Variants in AGPAT4 observed in about 807,000 individuals in gnomAD.
The protein encoded by AGPAT4 is 1-acylglycerol-3-phosphate O-acyltransferase 4, also known as 1-acyl-sn-glycerol-3-phosphate acyltransferase delta.
Under a neutral mutation model 48.0 loss-of-function variants are expected in AGPAT4, and 15 were observed. The ratio of observed to expected loss-of-function variants is 0.31; its 90% CI spans 0.21 to 0.48. The LOEUF (loss-of-function observed/expected upper bound fraction) is 0.48, where lower values mean the gene tolerates loss of function less well. AGPAT4 is among the 20% of genes least tolerant of loss of function. The pLI is 0.99. For synonymous variants in AGPAT4, 178 were observed against 198.7 expected, an observed-to-expected ratio of 0.90 and a Z score of 0.88; for missense variants, 314 against 482.5, an observed-to-expected ratio of 0.65 and a Z score of 3.27.
chr6:161,166,553 A>T lies in AGPAT4; in HGVS notation c.179-136T>A. The T allele has an allele frequency of 1.0e-6, 1 of 971,556 alleles. No homozygotes were observed. Among genetic ancestry groups the T allele is most frequent in the Non-Finnish European group, 1.5e-6 (1 of 679,212 alleles). 60.2% of individuals were successfully genotyped at this position (971,556 alleles called of 1,614,324 possible). On this transcript the variant is annotated intron_variant, in intron 2 of 8. Coordinates refer to ENST00000320285, the MANE Select transcript of AGPAT4 (RefSeq NM_020133.3). The surrounding 1 kb of genome is among the most constrained non-coding windows in gnomAD (Gnocchi z 6.7). ...GCAAAGTTCTGGATCGTTGCAGCAC[A>T]GACCTTGGTCCTTGAAAGGGTTCAG... is the stretch of plus-strand genomic sequence containing the variant.
At chr6:161,253,887 C>T (rs753771921) in intron 1 of AGPAT4, among the ~76,000 whole-genome samples, 10 of 152,102 alleles carry the variant, frequency 6.6e-5, no homozygotes, top group Non-Finnish European at 8.8e-5. Context: ...CCCATACTGG[C>T]GGACATTCAC....
At chr6:161,213,399 G>T (rs532393825) in intron 2 of AGPAT4, among the ~76,000 whole-genome samples, 1 of 152,312 alleles carries the variant, frequency 6.6e-6, no homozygotes, top group Admixed American at 6.5e-5. Context: ...TAGTACACCT[G>T]TTGTTAGATT....
At position 161,243,919 on chromosome 6, in the gene AGPAT4, A is replaced by G. The variant is rs1782572480; in HGVS notation, c.-89-11617T>C. Among the ~76,000 whole-genome samples the G allele has an allele frequency of 6.6e-6, 1 of 152,224 alleles. No homozygotes were observed. On this transcript the variant is annotated intron_variant, in intron 1 of 8. Coordinates refer to ENST00000320285, the MANE Select transcript of AGPAT4 (RefSeq NM_020133.3). This position sits in a 1 kb window ranked among gnomAD's most constrained non-coding sequence, Gnocchi z 4.8. ...AAGCCCACTCACAAGTTTTAATGAA[A>G]TGATTATGTCCTTATTCCCAGCCCA...
chr6:161,239,819 A>G (rs1782430105), intron 1 of AGPAT4, among the ~76,000 whole-genome samples: 1 of 152,208 alleles, frequency 6.6e-6, no homozygotes, highest in African/African-American at 2.4e-5. Flanking sequence ...GTGTGAGTAC[A>G]AATCCATCTT....
rs990774396 is a variant in AGPAT4 at position 161,266,393 on chromosome 6, A to C, written c.-90+7545T>G. Among the ~76,000 whole-genome samples the C allele has an allele frequency of 1.3e-5, 2 of 152,116 alleles. No homozygotes were observed. The highest frequency in any genetic ancestry group is 6.5e-5 in the Admixed American group (1 of 15,276). On this transcript the variant is annotated intron_variant, in intron 1 of 8. Transcript: ENST00000320285. The surrounding 1 kb of genome is among the most constrained non-coding windows in gnomAD (Gnocchi z 6.2). ...CTGGGTACTCTGCTCTATGCTACAA[A>C]CGATGCGATCATACCTCCATGCCAT...
Position 161,138,249 on chromosome 6 carries a change from AATTTTT to A in AGPAT4, c.1042+1167_1042+1172del, listed in dbSNP as rs1779138714. 6.6e-6 allele frequency among the ~76,000 whole-genome samples: 1 copy of A among 152,188 alleles called. No homozygotes were observed. Among genetic ancestry groups the A allele is most frequent in the African/African-American group, 2.4e-5 (1 of 41,450 alleles). On this transcript the variant is annotated intron_variant, in intron 8 of 8. Transcript: ENST00000320285. This position sits in a 1 kb window ranked among gnomAD's most constrained non-coding sequence, Gnocchi z 4.8. ...GGTGTGGGTGTTGTTTTAATATTTTAATTTTTAACACTAAAATACATCTTAATCTTT... is the reference window on the plus strand; with the variant it reads ...GGTGTGGGTGTTGTTTTAATATTTTAAACACTAAAATACATCTTAATCTTT...
chr6:161,145,789 T>C (rs1412966158), intron 7 of AGPAT4, among the ~76,000 whole-genome samples: 1 of 151,748 alleles, frequency 6.6e-6, no homozygotes, highest in East Asian at 1.9e-4. Flanking sequence ...TCCTATAGAA[T>C]ATATCTGATT....
In AGPAT4 at chr6:161,257,130, T is replaced by C. The variant is rs376683146; in HGVS notation, c.-90+16808A>G. On this transcript the variant is annotated intron_variant, in intron 1 of 8. Coordinates refer to ENST00000320285, the MANE Select transcript of AGPAT4 (RefSeq NM_020133.3). ...ACTTGTTTCTAACATGAACTTTGGA[T>C]CAGGATAAAAGTAGTAAACTTAAAA... Among the ~76,000 whole-genome samples the C allele has an allele frequency of 2.6e-5, 4 of 152,292 alleles. No individual in the cohort carries two copies. The East Asian group carries it at 5.8e-4, about 22-fold the overall frequency.
At position 161,236,573 on chromosome 6, in the gene AGPAT4, G is replaced by T. The variant is rs1782282475; in HGVS notation, c.-89-4271C>A. Among the ~76,000 whole-genome samples, 1 of 152,082 alleles carries T rather than the reference G, an allele frequency of 6.6e-6. No homozygotes were observed. Among genetic ancestry groups the T allele is most frequent in the African/African-American group, 2.4e-5 (1 of 41,406 alleles). On this transcript the variant is annotated intron_variant, in intron 1 of 8. Transcript: ENST00000320285. This position sits in a 1 kb window ranked among gnomAD's most constrained non-coding sequence, Gnocchi z 5.0. ...AGAGGCTGGCACGGTTACCTCTGGG[G>T]GCAGACAAGTGACCCGATGAGGGCT... is the stretch of plus-strand genomic sequence containing the variant.
At position 161,220,893 on chromosome 6, in the gene AGPAT4, C is replaced by T. The variant is rs1011041948; in HGVS notation, c.178+11143G>A. Among the ~76,000 whole-genome samples the T allele has an allele frequency of 6.6e-6, 1 of 152,172 alleles. No homozygotes were observed. Among genetic ancestry groups the T allele is most frequent in the African/African-American group, 2.4e-5 (1 of 41,430 alleles). On this transcript the variant is annotated intron_variant, in intron 2 of 8. Coordinates refer to ENST00000320285, the MANE Select transcript of AGPAT4 (RefSeq NM_020133.3). The surrounding 1 kb of genome is among the most constrained non-coding windows in gnomAD (Gnocchi z 6.0). ...CTGCCTCCCGGGTTCAAGCAATTCT[C>T]CTGCCTCAGTCTCCCGAGTAGCTGG...
At chr6:161,203,444 A>C (rs539093403) in intron 2 of AGPAT4, among the ~76,000 whole-genome samples, 50 of 136,112 alleles carry the variant, frequency 3.7e-4, no homozygotes, top group Admixed American at 3.6e-3. Context: ...GTTGGAGTGC[A>C]ATGGCGTGAT....
At position 161,243,937 on chromosome 6, in the gene AGPAT4, C is replaced by T. The variant is rs1490833965; in HGVS notation, c.-89-11635G>A. Reference sequence around the variant, plus strand: ...TAATGAAATGATTATGTCCTTATTCCCAGCCCAGAGGAAGGCAGTTCAAAG... The same window carrying T: ...TAATGAAATGATTATGTCCTTATTCTCAGCCCAGAGGAAGGCAGTTCAAAG... On this transcript the variant is annotated intron_variant, in intron 1 of 8. Coordinates refer to ENST00000320285, the MANE Select transcript of AGPAT4 (RefSeq NM_020133.3). This position sits in a 1 kb window ranked among gnomAD's most constrained non-coding sequence, Gnocchi z 4.8. Among the ~76,000 whole-genome samples, 1 of 152,178 alleles carries T rather than the reference C, an allele frequency of 6.6e-6. No individual in the cohort carries two copies. Among genetic ancestry groups the T allele is most frequent in the Admixed American group, 6.5e-5 (1 of 15,274 alleles).
Position 161,217,959 on chromosome 6 carries a change from T to C in AGPAT4, c.178+14077A>G, listed in dbSNP as rs1417641738. ...TGGGTTGAAGGACAAGGTCTCTTCCTCATCTCCCAACTCACCTTGTAGCGT... is the reference window on the plus strand; with the variant it reads ...TGGGTTGAAGGACAAGGTCTCTTCCCCATCTCCCAACTCACCTTGTAGCGT... On this transcript the variant is annotated intron_variant, in intron 2 of 8. Coordinates refer to ENST00000320285, the MANE Select transcript of AGPAT4 (RefSeq NM_020133.3). The surrounding 1 kb of genome is among the most constrained non-coding windows in gnomAD (Gnocchi z 4.9). Among the ~76,000 whole-genome samples the C allele has an allele frequency of 1.3e-5, 2 of 152,248 alleles. No individual in the cohort carries two copies. Among genetic ancestry groups the C allele is most frequent in the Non-Finnish European group, 2.9e-5 (2 of 68,036 alleles).
At chr6:161,163,220 A>G (rs1198847895) in intron 3 of AGPAT4, among the ~76,000 whole-genome samples, 1 of 152,232 alleles carries the variant, frequency 6.6e-6, no homozygotes, top group Non-Finnish European at 1.5e-5. Flanking sequence ...ATTTCTGCAA[A>G]TTTCATTGAC....
chr6:161,217,986 G>C lies in AGPAT4; in HGVS notation c.178+14050C>G, dbSNP rs1192640823. 6.6e-6 allele frequency among the ~76,000 whole-genome samples: 1 copy of C among 152,254 alleles called. No homozygotes were observed. Among genetic ancestry groups the C allele is most frequent in the African/African-American group, 2.4e-5 (1 of 41,468 alleles). On this transcript the variant is annotated intron_variant, in intron 2 of 8. Transcript: ENST00000320285. This position sits in a 1 kb window ranked among gnomAD's most constrained non-coding sequence, Gnocchi z 4.9. ...ATCTCCCAACTCACCTTGTAGCGTA[G>C]AGCATGTTCTATGTGATGCCTGCAA...
rs954947150 is a variant in AGPAT4, at chr6:161,245,011, C to T, written c.-89-12709G>A. Among the ~76,000 whole-genome samples, 2 of 152,248 alleles carry T rather than the reference C, an allele frequency of 1.3e-5. No homozygotes were observed. The highest frequency in any genetic ancestry group is 2.9e-5 in the Non-Finnish European group (2 of 68,046). Reference sequence around the variant, plus strand: ...GGGCATGAGAACTCTCCTGCAAATGCTAACTTAATTTCGCACACATGCCTA... The same window carrying T: ...GGGCATGAGAACTCTCCTGCAAATGTTAACTTAATTTCGCACACATGCCTA... On this transcript the variant is annotated intron_variant, in intron 1 of 8. Coordinates refer to ENST00000320285, the MANE Select transcript of AGPAT4 (RefSeq NM_020133.3). The surrounding 1 kb of genome is among the most constrained non-coding windows in gnomAD (Gnocchi z 5.2).
intron 2 of AGPAT4, among the ~76,000 whole-genome samples, chr6:161,185,971 C>A (rs996195503): frequency 6.6e-6 from 1 of 152,130 alleles, no homozygotes; most frequent in Admixed American, 6.5e-5. Context: ...CTAAAGTTCC[C>A]GAAGAGTAAA....
intron 2 of AGPAT4, among the ~76,000 whole-genome samples, chr6:161,205,024 C>T (rs778851181): frequency 1.3e-5 from 2 of 152,202 alleles, no homozygotes; most frequent in Admixed American, 6.5e-5. Flanking sequence ...AGCCTCACCA[C>T]TGGGGACTGG....
rs528921246 is a variant in AGPAT4, at chr6:161,177,461, C to T, written c.179-11044G>A. Among the ~76,000 whole-genome samples, 5 of 152,276 alleles carry T rather than the reference C, an allele frequency of 3.3e-5. No homozygotes were observed. The South Asian group carries it at 6.2e-4, about 19-fold the overall frequency. On this transcript the variant is annotated intron_variant, in intron 2 of 8. Transcript: ENST00000320285. The surrounding 1 kb of genome is among the most constrained non-coding windows in gnomAD (Gnocchi z 5.0). ...GCCACTGAAACTTGTGCATGTGTCA[C>T]GTAGTTCTCAAGCCATGGTTTTCAG...
Sources: gnomAD v4.1 joint callset for allele counts (sites outside exome capture counted in the v4.1 genomes callset) on GRCh38, gnomAD v4.1.1 for gene constraint, Gnocchi (gnomAD v3.1) non-coding constraint, MANE v1.5 for transcripts, NCBI Gene and HGNC (gene_info 2026-07-23, HGNC 2026-07-21) for gene names.